Variants in CLDN16 observed in about 807,000 individuals in gnomAD.
CLDN16 encodes claudin 16.
Under a neutral mutation model 24.6 loss-of-function variants are expected in CLDN16, and 13 were observed. That is an observed-to-expected ratio of 0.53 (90% CI 0.34 to 0.84). The LOEUF (loss-of-function observed/expected upper bound fraction) is 0.84, where lower values mean the gene tolerates loss of function less well. Ranked by LOEUF, CLDN16 falls within the 40% of genes least tolerant of loss-of-function variation. The pLI, the probability that CLDN16 is intolerant of heterozygous loss-of-function variation, is 0.01. For synonymous variants in CLDN16, 116 were observed against 106.7 expected (o/e 1.09, Z -0.54); for missense variants, 298 against 292.7 (o/e 1.02, Z -0.13).
chr3:190,343,911 A>G (rs1255253864), intron 1 of CLDN16, among the ~76,000 whole-genome samples: 1 of 152,132 alleles, frequency 6.6e-6, no homozygotes, highest in Non-Finnish European at 1.5e-5. Context: ...TAGAGACTAC[A>G]GTAAATAATA....
At chr3:190,346,758 G>A (rs1033236311) in intron 1 of CLDN16, among the ~76,000 whole-genome samples, 1 of 152,054 alleles carries the variant, frequency 6.6e-6, no homozygotes, top group African/African-American at 2.4e-5. Flanking sequence ...ACAATCCCTG[G>A]TGTTGCTTGG....
intron 1 of CLDN16, among the ~76,000 whole-genome samples, chr3:190,326,143 C>T (rs555508047): frequency 3.2e-4 from 48 of 152,230 alleles, no homozygotes; most frequent in Admixed American, 5.9e-4. Context: ...TGGCTCAAAC[C>T]CTAGTGCTGT....
At chr3:190,392,057 G>GTT (rs1278610607) in intron 1 of CLDN16, among the ~76,000 whole-genome samples, 1 of 108,690 alleles carries the variant, frequency 9.2e-6, no homozygotes, top group Non-Finnish European at 2.2e-5. Flanking sequence ...GTCCTTTTCA[G>GTT]TCTTTTTTTT....
chr3:190,363,556 G>GTA lies in CLDN16; in HGVS notation n.122-7297_122-7296dup, dbSNP rs1221514630. On this transcript the variant is annotated intron_variant and non_coding_transcript_variant, in intron 1 of 4. Transcript: ENST00000468220. ...AGTTGCTGTGCGTGTGTGTGTGTGT[G>GTA]TATATATATATATATATATATATAT... Among the ~76,000 whole-genome samples, 362 of 87,338 alleles carry GTA rather than the reference G, an allele frequency of 4.1e-3. 1 individual carries two copies. Among genetic ancestry groups the GTA allele is most frequent in the African/African-American group, 8.0e-3 (169 of 21,092 alleles). The allele number at this position is 87,338 out of a possible 152,430, so 57.3% of individuals were successfully genotyped here.
intron 1 of CLDN16, among the ~76,000 whole-genome samples, chr3:190,391,151 GA>G (rs61051594): frequency 0.19 from 27,982 of 143,742 alleles, 3,038 homozygotes; most frequent in Middle Eastern, 0.3. Flanking sequence ...GATTTTTTAA[GA>G]AAAAAAAGGA....
At chr3:190,347,123 A>T (rs1231836593) in intron 1 of CLDN16, among the ~76,000 whole-genome samples, 2 of 152,174 alleles carry the variant, frequency 1.3e-5, no homozygotes, top group African/African-American at 4.8e-5. Flanking sequence ...AAGGTCACAA[A>T]GCTAATATGT....
intron 1 of CLDN16, among the ~76,000 whole-genome samples, chr3:190,348,110 G>T (rs1717592115): frequency 6.9e-6 from 1 of 144,532 alleles, no homozygotes; most frequent in African/African-American, 2.6e-5. Context: ...AAAAAAATTA[G>T]CTGGCACGGT....
chr3:190,301,678 T>C, the CLDN16 span, among the ~76,000 whole-genome samples: 1 of 152,190 alleles, frequency 6.6e-6, no homozygotes, highest in Non-Finnish European at 1.5e-5. Context: ...TTTGCTTTCA[T>C]ACCTCACATC....
chr3:190,406,275 C>T (rs1005664215), intron 3 of CLDN16, among the ~76,000 whole-genome samples: 1 of 152,166 alleles, frequency 6.6e-6, no homozygotes, highest in Admixed American at 6.5e-5. Flanking sequence ...TATAAAGTTA[C>T]AAAAATTTAG....
chr3:190,372,220 G>A (rs1240749720), intron 2 of CLDN16, among the ~76,000 whole-genome samples: 1 of 151,746 alleles, frequency 6.6e-6, no homozygotes, highest in Non-Finnish European at 1.5e-5. Flanking sequence ...GCAAACAGAG[G>A]GAGACACCAC....
In CLDN16 at chr3:190,390,284, C is replaced by T. The variant is rs539295711; in HGVS notation, c.114+1841C>T. 7.2e-4 allele frequency among the ~76,000 whole-genome samples: 106 copies of T among 146,352 alleles called. 2 individuals are homozygous for T. Among genetic ancestry groups the T allele is most frequent in the African/African-American group, 2.5e-3 (102 of 41,122 alleles). ...GGGCATGGTGGCTTATGCCTGTAAT[C>T]CCAATACTTTGGAAGGCCGAGGCGG... is the stretch of plus-strand genomic sequence containing the variant. On this transcript the variant is annotated intron_variant, in intron 1 of 4. Transcript: ENST00000264734.
intron 1 of CLDN16, among the ~76,000 whole-genome samples, chr3:190,331,120 T>C (rs1669955102): frequency 6.6e-6 from 1 of 152,200 alleles, no homozygotes. Context: ...CTACCATACC[T>C]ATGTGAGGTT....
the CLDN16 span, among the ~76,000 whole-genome samples, chr3:190,315,533 G>A: frequency 6.6e-6 from 1 of 152,112 alleles, no homozygotes; most frequent in Non-Finnish European, 1.5e-5. Flanking sequence ...GATTTTTACT[G>A]TCAGCATAGA....
At chr3:190,308,330 T>C in the CLDN16 span, 6 of 1,613,718 alleles carry the variant, frequency 3.7e-6, no homozygotes, top group Admixed American at 1.0e-4. Flanking sequence ...GGCCTTGGTG[T>C]TGGGTAAGAG....
chr3:190,308,042 CA>C, the CLDN16 span: 1 of 469,274 alleles, frequency 2.1e-6, no homozygotes, highest in South Asian at 2.1e-5. Flanking sequence ...CAATGGGAAG[CA>C]GTAATACAAA....
rs1719277419 is a variant in CLDN16 at position 190,411,192 on chromosome 3, G to A, written c.*1156G>A. 3 of 152,284 alleles carry A rather than the reference G, an allele frequency of 2.0e-5. No homozygotes were observed. The highest frequency in any genetic ancestry group is 4.1e-4 in the South Asian group (2 of 4,832). 9.4% of individuals were successfully genotyped at this position (152,284 alleles called of 1,614,324 possible). ...GGAGAATCGTTTGAACCCAGGAGGT[G>A]GAGGTTGCAGTGAGCGGAGATCGCA... On this transcript the variant is annotated 3_prime_UTR_variant, in exon 5 of 5. Transcript: ENST00000264734.
intron 1 of CLDN16, among the ~76,000 whole-genome samples, chr3:190,354,847 A>G (rs1016482335): frequency 1.3e-5 from 2 of 152,030 alleles, no homozygotes; most frequent in African/African-American, 4.8e-5. Context: ...TATTAGATCC[A>G]TTCCTGCCCT....
intron 1 of CLDN16, among the ~76,000 whole-genome samples, chr3:190,344,427 T>C (rs1443806173): frequency 1.3e-5 from 2 of 151,840 alleles, no homozygotes; most frequent in Non-Finnish European, 2.9e-5. Flanking sequence ...AGATTTAATG[T>C]GTATATAAAC....
chr3:190,314,641 T>A, the CLDN16 span, among the ~76,000 whole-genome samples: 2 of 151,938 alleles, frequency 1.3e-5, no homozygotes, highest in Admixed American at 1.3e-4. Context: ...TGAGTTCAGG[T>A]GGTCTGCCCA....
Sources: allele counts gnomAD v4.1 joint callset (sites outside exome capture counted in the v4.1 genomes callset), GRCh38; gene constraint gnomAD v4.1.1; transcripts MANE v1.5; gene names NCBI Gene and HGNC (gene_info 2026-07-23, HGNC 2026-07-21).